The following SULT1A1 variants were observed in gnomAD, a reference collection of about 807,000 sequenced individuals.
SULT1A1 encodes the protein sulfotransferase 1A1.
In SULT1A1, 35 loss-of-function variants were observed where a neutral mutation model predicts 36.8. The observed-to-expected ratio is 0.95, with a 90% CI of 0.73 to 1.26. The LOEUF (loss-of-function observed/expected upper bound fraction) is 1.26. Among genes scored for constraint, SULT1A1 ranks in the 50% most tolerant of loss-of-function variants. The probability of loss-of-function intolerance (pLI) is 0.00; values close to 1 mark genes in which losing one functional copy is unlikely to be tolerated. For missense variants in SULT1A1, 309 were observed against 383.0 expected (o/e 0.81, Z 1.61); for synonymous variants, 119 against 146.0 (o/e 0.82, Z 1.33).
chr16:28,610,296 C>G (rs2047403746), upstream of SULT1A1: 1 of 872,892 alleles, frequency 1.1e-6, no homozygotes, highest in Admixed American at 5.6e-5. Flanking sequence ...TTTTTCCGAG[C>G]TGTCACTGGG....
chr16:28,605,421 C>T lies in SULT1A1; in HGVS notation c.*400G>A, dbSNP rs1472604418. On this transcript the variant is annotated 3_prime_UTR_variant, in exon 8 of 8. Transcript: ENST00000314752. ...AAGTAGCTGGGACTACAGGTGCCCA[C>T]CATCACGTACAGATAATTTTCTCAA... 10 of 311,056 alleles carry T rather than the reference C, an allele frequency of 3.2e-5. No individual in the cohort carries two copies. The highest frequency in any genetic ancestry group is 5.6e-5 in the Non-Finnish European group (9 of 160,732). The allele number at this position is 311,056 out of a possible 1,614,324, so 19.3% of individuals were successfully genotyped here.
In SULT1A1 at chr16:28,609,918, CTG is replaced by C. The variant is rs1178848287; in HGVS notation, c.-5+11_-5+12del. 11 of 1,283,830 alleles carry C rather than the reference CTG, an allele frequency of 8.6e-6. No homozygotes were observed. The highest frequency in any genetic ancestry group is 1.5e-5 in the African/African-American group (1 of 65,774). The allele number at this position is 1,283,830 out of a possible 1,614,324, so 79.5% of individuals were successfully genotyped here. ...GGTGAGGGCGCCCTGGGCCGTTCCA[CTG>C]TGTCACTCACCTGAGCTCTTGGGAA... On this transcript the variant is annotated intron_variant, in intron 1 of 7. Transcript: ENST00000314752.
intron 1 of SULT1A1, among the ~76,000 whole-genome samples, chr16:28,622,366 G>C (rs1402021850): frequency 2.0e-5 from 3 of 152,170 alleles, no homozygotes; most frequent in African/African-American, 7.2e-5. Context: ...GTACGCAGTA[G>C]AGAAGGTTTC....
intron 2 of SULT1A1, among the ~76,000 whole-genome samples, chr16:28,618,406 C>T (rs1185196343): frequency 1.3e-4 from 16 of 126,850 alleles, no homozygotes; most frequent in South Asian, 2.7e-4. Flanking sequence ...AGTGCAGTGG[C>T]GTGATATCGG....
Position 28,606,102 on chromosome 16 carries a change from G to T in SULT1A1, c.729C>A (p.Val243=). The change falls in exon 7 of 8, where the codon GTC becomes GTA. Residue 243 remains valine (V), a synonymous_variant. Coordinates refer to ENST00000314752, the MANE Select transcript of SULT1A1 (RefSeq NM_001055.4). The part of the protein sequence containing the change: ...KKNPMTNYTT[V]PQEFMDHSIS... ...TGCTGTGGTCCATGAACTCCTGGGG[G>T]ACGGTGGTGTAGTTGGTCATAGGGT... 1 of 1,611,608 alleles carries T rather than the reference G, an allele frequency of 6.2e-7. No individual in the cohort carries two copies. The highest frequency in any genetic ancestry group is 8.5e-7 in the Non-Finnish European group (1 of 1,178,212).
chr16:28,608,518 C>G lies in SULT1A1; in HGVS notation c.234G>C (p.Arg78=), dbSNP rs776954983. The change falls in exon 3 of 8, where the codon CGG becomes CGC. Residue 78 remains arginine (R), a synonymous_variant. Coordinates refer to ENST00000314752, the MANE Select transcript of SULT1A1 (RefSeq NM_001055.4). The stretch of plus-strand genomic sequence containing the variant: ...GGGCTTTGAACTCAAGGAAGGGCAC[C>G]CGCATGAAGATGGGAGCTCGGTGAC... ...EKCHRAPIFM[R]VPFLEFKAPG... is the part of the protein sequence containing the mutation. 6.2e-7 allele frequency: 1 copy of G among 1,612,370 alleles called. No individual in the cohort carries two copies. Among genetic ancestry groups the G allele is most frequent in the Non-Finnish European group, 8.5e-7 (1 of 1,178,714 alleles).
exon 1 of SULT1A1, chr16:28,623,139 A>G: frequency 3.9e-6 from 5 of 1,289,108 alleles, no homozygotes; most frequent in Non-Finnish European, 5.1e-6. Flanking sequence ...ACCGGCGTAG[A>G]AGGCCGAGAC....
chr16:28,609,359 T>C, intron 1 of SULT1A1: 5 of 1,289,936 alleles, frequency 3.9e-6, no homozygotes, highest in Non-Finnish European at 5.1e-6. Context: ...TGTGATCCAC[T>C]TGCCTGGCCA....
Position 28,608,338 on chromosome 16 carries a change from G to A in SULT1A1, c.325C>T (p.Leu109=), listed in dbSNP as rs373822281. 24 of 1,612,230 alleles carry A rather than the reference G, an allele frequency of 1.5e-5. No individual in the cohort carries two copies. The highest frequency in any genetic ancestry group is 4.5e-5 in the East Asian group (2 of 44,872). The change falls in exon 4 of 8, where the codon CTG becomes TTG. Residue 109 remains leucine, a synonymous_variant. Transcript: ENST00000314752. ...GTCTGGGGGAGCAGAGCCAGGGGCA[G>A]GTGTGTCTTCAGGAGTCGTGGGGCC... is the stretch of plus-strand genomic sequence containing the variant. ...TPAPRLLKTH[L]PLALLPQTLL...
intron 1 of SULT1A1, chr16:28,623,116 C>T (rs749392365): frequency 2.6e-6 from 4 of 1,541,106 alleles, no homozygotes; most frequent in Non-Finnish European, 3.5e-6. Context: ...CCAGGTTCCC[C>T]CCCCGGCCCC....
At chr16:28,610,816 G>C (rs1042168675), upstream of SULT1A1, 1 of 152,556 alleles carries the variant, frequency 6.6e-6, no homozygotes, top group African/African-American at 2.4e-5. Context: ...GTGGAAGGGG[G>C]GCATCCCCCC....
chr16:28,608,149 G>T (rs1348798984), intron 4 of SULT1A1, 142 bp downstream of exon 4: 2 of 1,236,472 alleles, frequency 1.6e-6, no homozygotes, highest in Non-Finnish European at 1.1e-6. Flanking sequence ...CACCACACCC[G>T]GCTAATTTTG....
intron 2 of SULT1A1, among the ~76,000 whole-genome samples, chr16:28,616,213 G>C (rs2047543836): frequency 6.6e-6 from 1 of 152,264 alleles, no homozygotes; most frequent in East Asian, 1.9e-4. Flanking sequence ...TTGAGCGAGG[G>C]TTATTATAAT....
chr16:28,623,320 G>A, exon 1 of SULT1A1: 5 of 1,524,778 alleles, frequency 3.3e-6, no homozygotes, highest in Non-Finnish European at 4.4e-6. Flanking sequence ...TCGGCCTAGC[G>A]GCCCTGCAGC....
rs1241326905 is a variant in SULT1A1, at chr16:28,616,613, G to A, written c.138+3450C>T. On this transcript the variant is annotated intron_variant, in intron 2 of 5. Transcript: ENST00000350842. The stretch of plus-strand genomic sequence containing the variant: ...AGTTTTATTTTTTTAAATACAGACA[G>A]GGTCTTGCTATGTTGCCCAAGCTGG... Among the ~76,000 whole-genome samples, 3 of 152,138 alleles carry A rather than the reference G, an allele frequency of 2.0e-5. No individual in the cohort carries two copies. In the East Asian group the frequency reaches 5.8e-4, roughly 29 times the overall value.
rs1394436862 is a variant in SULT1A1, at chr16:28,607,158, G to A, written c.373-81C>T. The A allele has an allele frequency of 3.8e-6, 6 of 1,586,830 alleles. No homozygotes were observed. The African/African-American group carries it at 6.7e-5, about 18-fold the overall frequency. ...CAGCTCATCTCTTGGATTGGCAAAG[G>A]AGGAACCTGAGGCTTAGAGGCTGAC... On this transcript the variant is annotated intron_variant, in intron 4 of 7. Transcript: ENST00000314752.
chr16:28,619,966 G>T, intron 2 of SULT1A1: 1 of 1,082,818 alleles, frequency 9.2e-7, no homozygotes, highest in Non-Finnish European at 1.3e-6. Flanking sequence ...GTTACTGATT[G>T]TATATGTATA....
intron 2 of SULT1A1, among the ~76,000 whole-genome samples, chr16:28,619,717 C>G (rs2047610900): frequency 9.6e-6 from 1 of 104,440 alleles, no homozygotes; most frequent in Non-Finnish European, 2.0e-5. Context: ...GAGACCCTGT[C>G]TCAAAAAAAA....
At chr16:28,610,917 C>G (rs1228892276), upstream of SULT1A1, 1 of 152,226 alleles carries the variant, frequency 6.6e-6, no homozygotes, top group Non-Finnish European at 1.5e-5. Context: ...GTGAATCTCC[C>G]AAGACTTCCA....
Sources: gnomAD v4.1 joint callset for allele counts (sites outside exome capture counted in the v4.1 genomes callset) on GRCh38, gnomAD v4.1.1 for gene constraint, MANE v1.5 for transcripts, NCBI Gene and HGNC (gene_info 2026-07-23, HGNC 2026-07-21) for gene names.